The following FRAS1 variants were observed in gnomAD, a reference collection of about 807,000 sequenced individuals.
FRAS1 encodes extracellular matrix organizing protein FRAS1.
Under a neutral mutation model 435.2 loss-of-function variants are expected in FRAS1, and 290 were observed. The ratio of observed to expected loss-of-function variants is 0.67; its 90% CI spans 0.61 to 0.73. The LOEUF is 0.73. Among genes scored for constraint, FRAS1 ranks in the 30% least tolerant of loss-of-function variants. The probability of loss-of-function intolerance (pLI) is 0.00; values close to 1 mark genes in which losing one functional copy is unlikely to be tolerated. For synonymous variants in FRAS1, 1,800 were observed against 1,851.0 expected (o/e 0.97, Z 0.71); for missense variants, 4,860 against 5,001.5 (o/e 0.97, Z 0.85).
chr4:78,399,491 T>C (rs1472282241), intron 29 of FRAS1, among the ~76,000 whole-genome samples: 1 of 152,210 alleles, frequency 6.6e-6, no homozygotes, highest in Non-Finnish European at 1.5e-5. Context: ...CTAGTCTCCT[T>C]CTGTGGAAAA....
At chr4:78,197,825 C>T (rs1722880218) in intron 2 of FRAS1, among the ~76,000 whole-genome samples, 2 of 151,940 alleles carry the variant, frequency 1.3e-5, no homozygotes, top group South Asian at 4.2e-4. Flanking sequence ...CCTGTAGTCC[C>T]AGCTACTCTG....
At chr4:78,157,160 CT>C (rs1446092839) in intron 2 of FRAS1, among the ~76,000 whole-genome samples, 2 of 152,204 alleles carry the variant, frequency 1.3e-5, no homozygotes, top group African/African-American at 4.8e-5. Flanking sequence ...TGATTTCACT[CT>C]TTTTTATGGC....
chr4:78,537,133 A>G lies in FRAS1; in HGVS notation c.11231A>G (p.Tyr3744Cys), dbSNP rs1231876337. Residue 3744 changes from tyrosine (Y) to cysteine (C), a missense_variant, in exon 72 of 74, where the codon TAC becomes TGC. Tyr to Cys is a radical substitution (Grantham distance 194). Transcript: ENST00000512123. ...VPFFDPTGTI[Y>C]NEGPQYGCIQ... Reference sequence around the variant, plus strand: ...TTCTTTGATCCCACGGGGACAATCTACAATGAAGGGCCCCAGTATGGATGC... The same window carrying G: ...TTCTTTGATCCCACGGGGACAATCTGCAATGAAGGGCCCCAGTATGGATGC... The G allele has an allele frequency of 3.1e-6, 5 of 1,614,046 alleles. No individual in the cohort carries two copies. The highest frequency in any genetic ancestry group is 4.2e-6 in the Non-Finnish European group (5 of 1,179,892).
At chr4:78,136,500 G>T (rs1719926879) in intron 2 of FRAS1, among the ~76,000 whole-genome samples, 1 of 152,084 alleles carries the variant, frequency 6.6e-6, no homozygotes, top group African/African-American at 2.4e-5. Context: ...AATAACTTGG[G>T]GCATGCAAGG....
At chr4:78,130,865 A>G (rs913661131) in intron 2 of FRAS1, among the ~76,000 whole-genome samples, 1 of 152,228 alleles carries the variant, frequency 6.6e-6, no homozygotes, top group Non-Finnish European at 1.5e-5. Context: ...CTAAAAAGTC[A>G]TAACTTGTAG....
intron 29 of FRAS1, among the ~76,000 whole-genome samples, chr4:78,397,092 G>GT (rs34078635): frequency 0.14 from 21,233 of 152,144 alleles, 1,870 homozygotes; most frequent in African/African-American, 0.25. Flanking sequence ...GTGGTATCAT[G>GT]TTTCTTAGTT....
intron 2 of FRAS1, among the ~76,000 whole-genome samples, chr4:78,196,609 T>A (rs1722823866): frequency 1.3e-5 from 2 of 152,230 alleles, no homozygotes; most frequent in African/African-American, 4.8e-5. Flanking sequence ...GATAACTTTT[T>A]TTTTTTCCTG....
At chr4:78,229,808 C>A (rs755690185) in intron 2 of FRAS1, among the ~76,000 whole-genome samples, 2 of 152,028 alleles carry the variant, frequency 1.3e-5, no homozygotes, top group Non-Finnish European at 1.5e-5. Flanking sequence ...CTTTTCACAC[C>A]TTATTCCCTC....
At position 78,112,025 on chromosome 4, in the gene FRAS1, G is replaced by C. The variant is rs529344599; in HGVS notation, c.108+46009G>C. On this transcript the variant is annotated intron_variant, in intron 2 of 73. Coordinates refer to ENST00000512123, the MANE Select transcript of FRAS1 (RefSeq NM_025074.7). Reference sequence around the variant, plus strand: ...GAAAAAAGCAATTTTTGGAATCTTTGACATGCCAGTTTTGTACTGTATTGA... The same window carrying C: ...GAAAAAAGCAATTTTTGGAATCTTTCACATGCCAGTTTTGTACTGTATTGA... 1.3e-4 allele frequency among the ~76,000 whole-genome samples: 20 copies of C among 152,176 alleles called. 1 individual carries two copies. The highest frequency in any genetic ancestry group is 4.6e-4 in the Admixed American group (7 of 15,268).
chr4:78,497,013 G>A lies in FRAS1; in HGVS notation c.9115+52G>A, dbSNP rs114572811. The stretch of plus-strand genomic sequence containing the variant: ...CTCTTAGGTTGAGGGGACATAAACT[G>A]ATGTTTAACTAATTATTAGTGTTTT... On this transcript the variant is annotated intron_variant, in intron 60 of 73. Transcript: ENST00000512123. 1,840 of 1,375,006 alleles carry A rather than the reference G, an allele frequency of 1.3e-3. 23 individuals are homozygous for A. In the African/African-American group the frequency reaches 0.023, roughly 17 times the overall value. 85.2% of individuals were successfully genotyped at this position (1,375,006 alleles called of 1,614,324 possible).
chr4:78,508,992 A>G lies in FRAS1; in HGVS notation c.9766A>G (p.Ser3256Gly). ...ETITDNTPFT[S>G]VNHMVLDSIY... ...CATCACTGACAACACACCATTCACC[A>G]GTGTCAACCACATGGTAGGTCTGGG... The change falls in exon 63 of 74, where the codon AGT (serine) becomes GGT (glycine). Residue 3256 changes from serine (S) to glycine (G), a missense_variant. Physicochemically the swap from Ser to Gly is moderately conservative, Grantham distance 56 (BLOSUM62 0). Coordinates refer to ENST00000512123, the MANE Select transcript of FRAS1 (RefSeq NM_025074.7). 1 of 1,613,950 alleles carries G rather than the reference A, an allele frequency of 6.2e-7. No homozygotes were observed.
Position 78,244,614 on chromosome 4 carries a change from G to T in FRAS1, c.217-619G>T, listed in dbSNP as rs184793231. ...GTAAATCTTGGGGTATCAGGTGGTG[G>T]CCTATTCTCTTGATAGTATCAAGAA... On this transcript the variant is annotated intron_variant, in intron 3 of 73. Coordinates refer to ENST00000512123, the MANE Select transcript of FRAS1 (RefSeq NM_025074.7). Among the ~76,000 whole-genome samples the T allele has an allele frequency of 9.8e-4, 149 of 152,242 alleles. 1 individual carries two copies. Among genetic ancestry groups the T allele is most frequent in the Admixed American group, 2.6e-3 (39 of 15,284 alleles).
intron 14 of FRAS1, among the ~76,000 whole-genome samples, chr4:78,298,381 A>G (rs1405829296): frequency 6.6e-6 from 1 of 151,894 alleles, no homozygotes; most frequent in Admixed American, 6.6e-5. Flanking sequence ...CATGTTGTAT[A>G]CCTTAAATAT....
chr4:78,395,115 A>G (rs1732605270), intron 29 of FRAS1, among the ~76,000 whole-genome samples: 1 of 151,962 alleles, frequency 6.6e-6, no homozygotes, highest in South Asian at 2.1e-4. Flanking sequence ...TCTACATATA[A>G]GATCATGGTG....
At chr4:78,364,706 A>T (rs1418950774) in intron 22 of FRAS1, among the ~76,000 whole-genome samples, 1 of 152,260 alleles carries the variant, frequency 6.6e-6, no homozygotes, top group East Asian at 1.9e-4. Flanking sequence ...TACTTCACAG[A>T]TGAAGGAACA....
At chr4:78,252,225 GA>G (rs1165033367) in intron 4 of FRAS1, among the ~76,000 whole-genome samples, 166 bp from the exon 5 acceptor site, 3 of 152,096 alleles carry the variant, frequency 2.0e-5, no homozygotes, top group Non-Finnish European at 2.9e-5. Flanking sequence ...CCTTTGACTT[GA>G]AGCCTTGCAA....
chr4:78,266,473 A>T (rs1726361882), intron 7 of FRAS1, among the ~76,000 whole-genome samples: 1 of 152,236 alleles, frequency 6.6e-6, no homozygotes, highest in African/African-American at 2.4e-5. Context: ...AAGTGAGTAT[A>T]TGGCAGTGAG....
intron 2 of FRAS1, among the ~76,000 whole-genome samples, chr4:78,201,809 G>A (rs1723057632): frequency 6.6e-6 from 1 of 152,134 alleles, no homozygotes; most frequent in African/African-American, 2.4e-5. Flanking sequence ...AACTTCCAGG[G>A]CCTCTCTTCT....
intron 9 of FRAS1, among the ~76,000 whole-genome samples, chr4:78,269,581 T>C (rs2110158953): frequency 6.6e-6 from 1 of 152,328 alleles, no homozygotes; most frequent in Middle Eastern, 3.4e-3. Flanking sequence ...TCAACAGCAA[T>C]GTTCTGAATA....
Sources: allele counts gnomAD v4.1 joint callset (sites outside exome capture counted in the v4.1 genomes callset), GRCh38; gene constraint gnomAD v4.1.1; transcripts MANE v1.5; gene names NCBI Gene and HGNC (gene_info 2026-07-23, HGNC 2026-07-21).